PAWR: variants seen among roughly 807,000 people sequenced by gnomAD.
The protein encoded by PAWR is PRKC apoptosis WT1 regulator protein.
A neutral mutation model predicts 32.0 loss-of-function variants in PAWR; 23 were observed. That is an observed-to-expected ratio of 0.72 (90% CI 0.52 to 1.02). The LOEUF is 1.02. Among genes scored for constraint, PAWR ranks in the 50% least tolerant of loss-of-function variants. The pLI is 0.00. For synonymous variants in PAWR, 226 were observed against 187.1 expected (o/e 1.21, Z -1.70); for missense variants, 457 against 437.7 (o/e 1.04, Z -0.39).
chr12:79,622,681 G>A (rs1875082805), intron 2 of PAWR, among the ~76,000 whole-genome samples: 1 of 152,198 alleles, frequency 6.6e-6, no homozygotes, highest in African/African-American at 2.4e-5. Flanking sequence ...AATGAAAGGA[G>A]CATGCAGGTT....
chr12:79,674,498 A>G (rs1263386219), intron 2 of PAWR, among the ~76,000 whole-genome samples: 1 of 152,190 alleles, frequency 6.6e-6, no homozygotes, highest in Non-Finnish European at 1.5e-5. Flanking sequence ...CAGCCTTGGC[A>G]AAGATTTCAT....
chr12:79,598,489 T>C (rs1426506604), intron 4 of PAWR, among the ~76,000 whole-genome samples: 1 of 152,206 alleles, frequency 6.6e-6, no homozygotes, highest in Non-Finnish European at 1.5e-5. Context: ...CTTCACTGAC[T>C]GGTATCCATT....
At chr12:79,683,631 TC>T (rs1451146660) in intron 2 of PAWR, among the ~76,000 whole-genome samples, 1 of 151,120 alleles carries the variant, frequency 6.6e-6, no homozygotes, top group African/African-American at 2.4e-5. Context: ...TAACTCTGAA[TC>T]AATGTTCCCA....
intron 3 of PAWR, among the ~76,000 whole-genome samples, chr12:79,616,389 A>T (rs7299544): frequency 0.12 from 17,553 of 152,140 alleles, 1,095 homozygotes; most frequent in Non-Finnish European, 0.14. Context: ...CCCTTACTAG[A>T]TTTACTAATT....
chr12:79,623,000 T>C (rs1875099101), intron 2 of PAWR, among the ~76,000 whole-genome samples: 1 of 152,282 alleles, frequency 6.6e-6, no homozygotes, highest in East Asian at 1.9e-4. Context: ...CTTGGAATGA[T>C]GTTACAATGC....
chr12:79,617,637 G>C (rs1874803110), intron 3 of PAWR, among the ~76,000 whole-genome samples: 1 of 151,996 alleles, frequency 6.6e-6, no homozygotes, highest in African/African-American at 2.4e-5. Context: ...ATAATGATTA[G>C]ACATATGTAT....
Position 79,584,936 on chromosome 12 carries a change from C to T in PAWR, c.*7671G>A, listed in dbSNP as rs1029272984. 3 of 187,436 alleles carry T rather than the reference C, an allele frequency of 1.6e-5. No homozygotes were observed. Among genetic ancestry groups the T allele is most frequent in the South Asian group, 9.0e-5 (1 of 11,122 alleles). 11.6% of individuals were successfully genotyped at this position (187,436 alleles called of 1,614,324 possible). On this transcript the variant is annotated 3_prime_UTR_variant, in exon 7 of 7. Coordinates refer to ENST00000328827, the MANE Select transcript of PAWR (RefSeq NM_002583.4). ...TCAAGTCTTAAAAGTTTGATGAAAG[C>T]GCATTATTGTTACCAAAAGTCTTCA...
chr12:79,677,009 T>G (rs751080356), intron 2 of PAWR, among the ~76,000 whole-genome samples: 16 of 152,226 alleles, frequency 1.1e-4, no homozygotes, highest in Admixed American at 2.0e-4. Context: ...AATTGTCCTA[T>G]ATAATCTTGT....
chr12:79,632,316 T>C (rs1484326212), intron 2 of PAWR, among the ~76,000 whole-genome samples: 9 of 21,540 alleles, frequency 4.2e-4, no homozygotes, highest in East Asian at 1.5e-3. Context: ...TACATACATA[T>C]ATATATATAT....
intron 2 of PAWR, among the ~76,000 whole-genome samples, chr12:79,678,531 T>C (rs1878282223): frequency 6.6e-6 from 1 of 152,264 alleles, no homozygotes; most frequent in Non-Finnish European, 1.5e-5. Flanking sequence ...GGATGGCCTT[T>C]GGGCAAGTCA....
chr12:79,625,900 C>T (rs962313691), intron 2 of PAWR, among the ~76,000 whole-genome samples: 6 of 151,578 alleles, frequency 4.0e-5, no homozygotes, highest in African/African-American at 9.7e-5. Flanking sequence ...AAGTATGGGC[C>T]GGGCACAGTG....
At chr12:79,632,398 G>A (rs1328537689) in intron 2 of PAWR, among the ~76,000 whole-genome samples, 1 of 118,188 alleles carries the variant, frequency 8.5e-6, no homozygotes, top group Non-Finnish European at 1.7e-5. Flanking sequence ...TGGCTCTGTT[G>A]CCCAGGCTGG....
chr12:79,665,664 T>C (rs1877567441), intron 2 of PAWR, among the ~76,000 whole-genome samples: 1 of 152,216 alleles, frequency 6.6e-6, no homozygotes, highest in African/African-American at 2.4e-5. Flanking sequence ...ACCTATTACT[T>C]ACACTACTCT....
chr12:79,690,676 C>G (rs1878975708), intron 1 of PAWR, 196 bp downstream of exon 1: 1 of 149,816 alleles, frequency 6.7e-6, no homozygotes, highest in Non-Finnish European at 1.4e-5. Context: ...GGTCGAGATA[C>G]TAGGGCTAGA....
chr12:79,669,598 T>C (rs1334669194), intron 2 of PAWR, among the ~76,000 whole-genome samples: 1 of 152,188 alleles, frequency 6.6e-6, no homozygotes, highest in Non-Finnish European at 1.5e-5. Flanking sequence ...TAAACTTAGT[T>C]GAGTAATTCT....
intron 4 of PAWR, among the ~76,000 whole-genome samples, chr12:79,605,018 C>T (rs7980894): frequency 0.23 from 34,557 of 151,720 alleles, 10,623 homozygotes; most frequent in African/African-American, 0.7. Flanking sequence ...ACAAAGAATT[C>T]TGGCAGTTTA....
chr12:79,663,375 C>A (rs1304111524), intron 2 of PAWR, among the ~76,000 whole-genome samples: 3 of 152,208 alleles, frequency 2.0e-5, no homozygotes, highest in Non-Finnish European at 2.9e-5. Flanking sequence ...TTTTGACTTA[C>A]AGTTTACACC....
At chr12:79,631,505 T>A (rs1264874607) in intron 2 of PAWR, among the ~76,000 whole-genome samples, 4 of 152,230 alleles carry the variant, frequency 2.6e-5, no homozygotes, top group Admixed American at 2.6e-4. Context: ...TGTATTTTTA[T>A]ATAATGGCAA....
At chr12:79,597,721 C>A (rs1347053927) in intron 4 of PAWR, 4 of 152,168 alleles carry the variant, frequency 2.6e-5, no homozygotes, top group Non-Finnish European at 5.9e-5. Flanking sequence ...ACCCTCTGAA[C>A]AGCACATATG....
Sources: gnomAD v4.1 joint callset for allele counts (sites outside exome capture counted in the v4.1 genomes callset) on GRCh38, gnomAD v4.1.1 for gene constraint, MANE v1.5 for transcripts, NCBI Gene and HGNC (gene_info 2026-07-23, HGNC 2026-07-21) for gene names.